The following TFEB variants were observed in gnomAD, a reference collection of about 807,000 sequenced individuals.
TFEB encodes T-cell transcription factor EB.
TFEB carries 12 observed loss-of-function variants against 48.0 expected under a neutral mutation model. The observed-to-expected ratio is 0.25, with a 90% CI of 0.16 to 0.40. The LOEUF is 0.40. TFEB is among the 10% of genes least tolerant of loss of function. TFEB has a pLI of 1.00. For missense variants in TFEB, 509 were observed against 640.3 expected, an observed-to-expected ratio of 0.79 and a Z score of 2.21; for synonymous variants, 244 against 261.4, an observed-to-expected ratio of 0.93 and a Z score of 0.64.
intron 1 of TFEB, among the ~76,000 whole-genome samples, chr6:41,692,588 G>A (rs1031712021): frequency 2.0e-5 from 3 of 152,198 alleles, no homozygotes; most frequent in African/African-American, 7.2e-5. Context: ...GGAAGAATGA[G>A]TCCTACAGCT....
At chr6:41,709,890 G>A (rs901030758) in intron 1 of TFEB, among the ~76,000 whole-genome samples, 2 of 152,134 alleles carry the variant, frequency 1.3e-5, no homozygotes, top group African/African-American at 4.8e-5. Flanking sequence ...AGGCTCAAAC[G>A]ATCCTCCCAC....
chr6:41,704,024 C>G (rs939313709), intron 1 of TFEB, among the ~76,000 whole-genome samples: 1 of 152,280 alleles, frequency 6.6e-6, no homozygotes, highest in Non-Finnish European at 1.5e-5. Flanking sequence ...GGTCTTGAGC[C>G]CATCAGTGAA....
rs573684946 is a variant in TFEB, at chr6:41,716,992, G to T, written c.-23+18358C>A. ...AGGTGACCGGCCACCCTCCATGAAG[G>T]GTGGGGGCATCAAAGGACTGGGCAG... On this transcript the variant is annotated intron_variant, in intron 1 of 8. Coordinates refer to ENST00000373033, the MANE Select transcript of TFEB (RefSeq NM_001271944.2). 5.7e-4 allele frequency among the ~76,000 whole-genome samples: 87 copies of T among 152,292 alleles called. 1 individual carries two copies. Among genetic ancestry groups the T allele is most frequent in the African/African-American group, 2.0e-3 (85 of 41,556 alleles).
intron 1 of TFEB, chr6:41,735,053 G>T (rs997472400): frequency 1.2e-5 from 12 of 985,134 alleles, no homozygotes; most frequent in Non-Finnish European, 1.4e-5. Context: ...GCCCATGCCC[G>T]CCCGGCCCCT....
chr6:41,715,920 G>A (rs756668471), intron 1 of TFEB, among the ~76,000 whole-genome samples: 1 of 152,096 alleles, frequency 6.6e-6, no homozygotes, highest in African/African-American at 2.4e-5. Context: ...CATCACCACT[G>A]TCGTGGTGCC....
chr6:41,688,161 AC>A, intron 4 of TFEB, 133 bp from the exon 5 acceptor site: 1 of 1,129,816 alleles, frequency 8.9e-7, no homozygotes, highest in Non-Finnish European at 1.2e-6. Context: ...GGGCCCTTTC[AC>A]CCAGCAATTC....
chr6:41,722,259 C>T (rs1409099363), intron 1 of TFEB, among the ~76,000 whole-genome samples: 1 of 152,210 alleles, frequency 6.6e-6, no homozygotes, highest in East Asian at 1.9e-4. Context: ...GGATTACAGG[C>T]GTGAGCCACC....
intron 3 of TFEB, 105 bp from the exon 4 acceptor site, chr6:41,689,916 A>G: frequency 2.6e-6 from 2 of 776,232 alleles, no homozygotes; most frequent in Non-Finnish European, 4.4e-6. Context: ...AGCCCACCTC[A>G]CCCAACCTAC....
chr6:41,697,141 C>G (rs989429825), intron 1 of TFEB, among the ~76,000 whole-genome samples: 1 of 151,260 alleles, frequency 6.6e-6, no homozygotes, highest in Non-Finnish European at 1.5e-5. Context: ...GGCATGGTGG[C>G]TCACGCCTGT....
intron 1 of TFEB, among the ~76,000 whole-genome samples, chr6:41,708,005 GCACGTCTGTAC>G (rs1200531419): frequency 1.3e-5 from 2 of 152,228 alleles, no homozygotes; most frequent in Non-Finnish European, 2.9e-5. Flanking sequence ...GTGGCGCTCA[GCACGTCTGTAC>G]CTCCCTCTAG....
chr6:41,696,463 C>T (rs1277287541), intron 1 of TFEB, among the ~76,000 whole-genome samples: 3 of 152,110 alleles, frequency 2.0e-5, no homozygotes, highest in Admixed American at 1.3e-4. Context: ...GAGGCTGAGG[C>T]GGGCAGATCA....
At chr6:41,733,894 T>A (rs939599073) in intron 1 of TFEB, 7 of 985,768 alleles carry the variant, frequency 7.1e-6, no homozygotes, top group Non-Finnish European at 8.4e-6. Flanking sequence ...TCCAACCTCA[T>A]CCCCAGCTGC....
In TFEB at chr6:41,720,147, T is replaced by C. The variant is rs1008749428; in HGVS notation, c.-23+15203A>G. Among the ~76,000 whole-genome samples, 24 of 152,040 alleles carry C rather than the reference T, an allele frequency of 1.6e-4. No individual in the cohort carries two copies. Among genetic ancestry groups the C allele is most frequent in the African/African-American group, 5.6e-4 (23 of 41,410 alleles). On this transcript the variant is annotated intron_variant, in intron 1 of 8. Coordinates refer to ENST00000373033, the MANE Select transcript of TFEB (RefSeq NM_001271944.2). This position sits in a 1 kb window ranked among gnomAD's most constrained non-coding sequence, Gnocchi z 4.1. Reference sequence around the variant, plus strand: ...CCTCCTGAAAACTGGCCCCTGCCAATCAGTCCTAGGTTACTGCCTCTCCAC... The same window carrying C: ...CCTCCTGAAAACTGGCCCCTGCCAACCAGTCCTAGGTTACTGCCTCTCCAC...
rs574502608 is a variant in TFEB at position 41,706,373 on chromosome 6, C to T, written c.-22-15138G>A. Reference sequence around the variant, plus strand: ...CAGCTTCTGCTTTCGATCTGAGTCACGCCTGGTGGGGGCAGGACGGGGCAG... The same window carrying T: ...CAGCTTCTGCTTTCGATCTGAGTCATGCCTGGTGGGGGCAGGACGGGGCAG... On this transcript the variant is annotated intron_variant, in intron 1 of 8. Transcript: ENST00000373033. Among the ~76,000 whole-genome samples, 4 of 152,268 alleles carry T rather than the reference C, an allele frequency of 2.6e-5. No individual in the cohort carries two copies. The East Asian group carries it at 5.8e-4, about 22-fold the overall frequency.
intron 6 of TFEB, 34 bp downstream of exon 6, chr6:41,687,719 A>C (rs754257419): frequency 1.9e-6 from 3 of 1,613,714 alleles, no homozygotes; most frequent in Non-Finnish European, 2.5e-6. Context: ...AACAAGGAAG[A>C]GGGAGGCAGG....
At chr6:41,722,944 A>G (rs1364053996) in intron 1 of TFEB, among the ~76,000 whole-genome samples, 1 of 152,194 alleles carries the variant, frequency 6.6e-6, no homozygotes, top group South Asian at 2.1e-4. Context: ...ACAGATGAGG[A>G]AGCAGAGGAG....
chr6:41,692,291 G>C (rs1440000190), intron 1 of TFEB, among the ~76,000 whole-genome samples: 1 of 152,208 alleles, frequency 6.6e-6, no homozygotes, highest in Non-Finnish European at 1.5e-5. Flanking sequence ...TCAGGACCTG[G>C]GACATGGCAT....
intron 1 of TFEB, among the ~76,000 whole-genome samples, chr6:41,700,407 A>C (rs1335137128): frequency 1.3e-5 from 2 of 149,138 alleles, no homozygotes; most frequent in African/African-American, 4.9e-5. Context: ...CGGAGCTTGC[A>C]GTGAGCCGAG....
chr6:41,684,426 A>T lies in TFEB; in HGVS notation c.*173T>A. On this transcript the variant is annotated 3_prime_UTR_variant, in exon 9 of 9. Coordinates refer to ENST00000373033, the MANE Select transcript of TFEB (RefSeq NM_001271944.2). ...GGCTGCCCTGGGGGTGCTTCTCCTG[A>T]CCCCACAGGCTGCCAGACAGGCACT... 1.3e-6 allele frequency: 1 copy of T among 761,424 alleles called. No homozygotes were observed. The highest frequency in any genetic ancestry group is 1.9e-6 in the Non-Finnish European group (1 of 529,690). The allele number at this position is 761,424 out of a possible 1,614,324, so 47.2% of individuals were successfully genotyped here.
Sources: allele counts gnomAD v4.1 joint callset (sites outside exome capture counted in the v4.1 genomes callset), GRCh38; gene constraint gnomAD v4.1.1; non-coding constraint Gnocchi (gnomAD v3.1); transcripts MANE v1.5; gene names NCBI Gene and HGNC (gene_info 2026-07-23, HGNC 2026-07-21).